The following LOC400499 variants were observed in gnomAD, a reference collection of about 807,000 sequenced individuals.
chr16:11,392,916 C>T, the LOC400499 span: 283 of 520,992 alleles, frequency 5.4e-4, no homozygotes, highest in East Asian at 0.017. Context: ...TGTGGTGACA[C>T]GATCTCGGCT....
the LOC400499 span, chr16:11,411,318 C>G: frequency 2.5e-6 from 1 of 399,270 alleles, no homozygotes; most frequent in African/African-American, 2.1e-5. Context: ...CTGAGAACAG[C>G]AGCTCTTTGC....
chr16:11,511,547 G>A, the LOC400499 span, among the ~76,000 whole-genome samples: 2 of 152,186 alleles, frequency 1.3e-5, no homozygotes, highest in Admixed American at 6.5e-5. Context: ...GCCACAACAT[G>A]GATGAACCTT....
the LOC400499 span, among the ~76,000 whole-genome samples, chr16:11,395,965 T>C: frequency 3.5e-4 from 53 of 152,214 alleles, 1 homozygote; most frequent in East Asian, 8.3e-3. Context: ...GCAGAGTAGG[T>C]ATTGGAGGCC....
the LOC400499 span, among the ~76,000 whole-genome samples, chr16:11,441,313 T>A: frequency 6.6e-6 from 1 of 152,198 alleles, no homozygotes; most frequent in South Asian, 2.1e-4. Flanking sequence ...CAAATGTGAA[T>A]GTGTCTTGCT....
At chr16:11,522,218 G>A in the LOC400499 span, 4 of 397,840 alleles carry the variant, frequency 1.0e-5, no homozygotes, top group East Asian at 7.1e-5. Flanking sequence ...CTCTCCATCT[G>A]GGCCCTGAGC....
At chr16:11,483,790 G>C in the LOC400499 span, among the ~76,000 whole-genome samples, 1 of 151,620 alleles carries the variant, frequency 6.6e-6, no homozygotes, top group African/African-American at 2.4e-5. Context: ...TGGAAGGATT[G>C]TTTGAGCCTG....
At chr16:11,447,906 G>A in the LOC400499 span, 2 of 1,525,606 alleles carry the variant, frequency 1.3e-6, no homozygotes, top group Non-Finnish European at 1.8e-6. Flanking sequence ...TTGCAGGGGT[G>A]TCAGCTGAGC....
At chr16:11,399,345 G>T in the LOC400499 span, 2 of 953,152 alleles carry the variant, frequency 2.1e-6, no homozygotes, top group Non-Finnish European at 2.7e-6. Flanking sequence ...TCACAGCAGA[G>T]AAGTAAGTTG....
chr16:11,447,871 T>C, the LOC400499 span: 1 of 1,476,366 alleles, frequency 6.8e-7, no homozygotes, highest in African/African-American at 1.4e-5. Flanking sequence ...CCCCTGGGGA[T>C]GCTCCGTGCT....
chr16:11,379,442 A>AT, the LOC400499 span, among the ~76,000 whole-genome samples: 7 of 152,328 alleles, frequency 4.6e-5, no homozygotes, highest in South Asian at 1.5e-3. Flanking sequence ...CCTTAGGTCG[A>AT]TTTTGTCTGA....
At chr16:11,477,376 A>C in the LOC400499 span, among the ~76,000 whole-genome samples, 2 of 152,208 alleles carry the variant, frequency 1.3e-5, no homozygotes, top group East Asian at 3.9e-4. Flanking sequence ...GAATCGGACC[A>C]AATATTGCAC....
chr16:11,411,138 G>C, the LOC400499 span: 2 of 398,356 alleles, frequency 5.0e-6, no homozygotes, highest in Admixed American at 8.8e-5. Flanking sequence ...CTGCAGGCTG[G>C]TGAACAGATG....
chr16:11,404,898 C>G, the LOC400499 span: 540 of 398,798 alleles, frequency 1.4e-3, 7 homozygotes, highest in East Asian at 0.019. Context: ...ATGGGGGAAC[C>G]CGACCCATGC....
chr16:11,516,626 T>G, the LOC400499 span, among the ~76,000 whole-genome samples: 1 of 152,190 alleles, frequency 6.6e-6, no homozygotes. Flanking sequence ...CCCAAGGAGC[T>G]GAAGGCATTC....
chr16:11,496,912 G>A, the LOC400499 span, among the ~76,000 whole-genome samples: 1 of 151,680 alleles, frequency 6.6e-6, no homozygotes, highest in Non-Finnish European at 1.5e-5. Context: ...GTGTGTGTGT[G>A]TGTGTGTGTG....
the LOC400499 span, chr16:11,508,643 G>C: frequency 2.5e-6 from 1 of 398,238 alleles, no homozygotes; most frequent in African/African-American, 2.1e-5. Context: ...CAGGATATGG[G>C]CAGGAAGAGG....
chr16:11,395,735 C>T, the LOC400499 span, among the ~76,000 whole-genome samples: 897 of 152,306 alleles, frequency 5.9e-3, 6 homozygotes, highest in African/African-American at 0.02. Context: ...GCTCAGCAAA[C>T]GAAAGTCACG....
the LOC400499 span, chr16:11,440,728 G>T: frequency 2.5e-6 from 1 of 399,072 alleles, no homozygotes; most frequent in Non-Finnish European, 4.4e-6. Context: ...CCTGACCTGG[G>T]ATGTGACGTT....
At chr16:11,396,786 C>T in the LOC400499 span, 1 of 870,058 alleles carries the variant, frequency 1.1e-6, no homozygotes, top group Non-Finnish European at 1.5e-6. Context: ...AGCCTCCACA[C>T]CTGTCGCAGC....
Sources: allele counts gnomAD v4.1 joint callset (sites outside exome capture counted in the v4.1 genomes callset), GRCh38; gene constraint gnomAD v4.1.1; transcripts MANE v1.5.